GRHL2: variants seen among roughly 807,000 people sequenced by gnomAD.
GRHL2 encodes the protein grainyhead-like protein 2 homolog.
GRHL2 carries 21 observed loss-of-function variants against 83.8 expected under a neutral mutation model. The ratio of observed to expected loss-of-function variants is 0.25; its 90% CI spans 0.18 to 0.36. The LOEUF (loss-of-function observed/expected upper bound fraction) is 0.36, where lower values mean the gene tolerates loss of function less well. Among genes scored for constraint, GRHL2 ranks in the 10% least tolerant of loss-of-function variants. GRHL2 has a pLI of 1.00. For synonymous variants in GRHL2, 280 were observed against 278.9 expected, an observed-to-expected ratio of 1.00 and a Z score of -0.04; for missense variants, 623 against 781.8, an observed-to-expected ratio of 0.80 and a Z score of 2.42.
At position 101,505,256 on chromosome 8, in the gene GRHL2, A is replaced by T. The variant is rs537775720; in HGVS notation, c.20+12467A>T. ...CTCAAATACTATATCTAATATTTTT[A>T]AAAAATCATGATGTTCTTCGGATGT... On this transcript the variant is annotated intron_variant, in intron 1 of 15. Coordinates refer to ENST00000646743, the MANE Select transcript of GRHL2 (RefSeq NM_024915.4). Among the ~76,000 whole-genome samples, 33 of 152,252 alleles carry T rather than the reference A, an allele frequency of 2.2e-4. No homozygotes were observed. The East Asian group carries it at 2.7e-3, about 12-fold the overall frequency.
chr8:101,669,660 TAC>T lies in GRHL2; in HGVS notation c.*2959_*2960del, dbSNP rs950418605. On this transcript the variant is annotated 3_prime_UTR_variant, in exon 16 of 16. Coordinates refer to ENST00000646743, the MANE Select transcript of GRHL2 (RefSeq NM_024915.4). ...AGAGGGGGAATCTATAAACTATAAA[TAC>T]AGTTATTTTATTTTTTGTACATTTT... 6 of 151,408 alleles carry T rather than the reference TAC, an allele frequency of 4.0e-5. No homozygotes were observed. The highest frequency in any genetic ancestry group is 2.7e-4 in the Admixed American group (4 of 15,086). The allele number at this position is 151,408 out of a possible 1,614,324, so 9.4% of individuals were successfully genotyped here.
chr8:101,520,599 CTG>C (rs1810663135), intron 1 of GRHL2, among the ~76,000 whole-genome samples: 1 of 152,096 alleles, frequency 6.6e-6, no homozygotes, highest in Non-Finnish European at 1.5e-5. Context: ...AGATCACCCT[CTG>C]TATGGATTGA....
chr8:101,499,490 G>A (rs608337), intron 1 of GRHL2, among the ~76,000 whole-genome samples: 124,781 of 151,962 alleles, frequency 0.82, 52,662 homozygotes, highest in Non-Finnish European at 0.93. Flanking sequence ...CAGCTTCTGC[G>A]CATAGAGATA....
intron 4 of GRHL2, among the ~76,000 whole-genome samples, chr8:101,565,376 A>G (rs1467792584): frequency 1.3e-5 from 2 of 152,232 alleles, no homozygotes; most frequent in Non-Finnish European, 1.5e-5. Context: ...ACAGTTTTCT[A>G]TAAGTCAGTT....
chr8:101,558,732 C>A lies in GRHL2; in HGVS notation c.598C>A (p.His200Asn). 1 of 1,614,146 alleles carries A rather than the reference C, an allele frequency of 6.2e-7. No individual in the cohort carries two copies. The highest frequency in any genetic ancestry group is 8.5e-7 in the Non-Finnish European group (1 of 1,180,024). Reference protein sequence around the residue: ...TQYDVPSLATHSAYLKDDQRS... With the variant: ...TQYDVPSLATNSAYLKDDQRS... ...GTATGACGTGCCCTCGCTGGCCACCCACAGCGCCTATCTCAAAGACGACCA... is the reference window on the plus strand; with the variant it reads ...GTATGACGTGCCCTCGCTGGCCACCAACAGCGCCTATCTCAAAGACGACCA... The change falls in exon 4 of 16, where the codon CAC becomes AAC. Residue 200 changes from histidine (H) to asparagine (N), a missense_variant. By Grantham distance (68) the His-to-Asn change is moderately conservative. This residue lies in a region of GRHL2 where 239 missense variants were observed against 240.5 expected (regional missense o/e 0.99). Transcript: ENST00000646743.
intron 15 of GRHL2, among the ~76,000 whole-genome samples, chr8:101,666,163 C>CTTG (rs1474932177): frequency 6.6e-6 from 1 of 152,172 alleles, no homozygotes; most frequent in African/African-American, 2.4e-5. Flanking sequence ...GCAATTCTTG[C>CTTG]TTGTTTTCCT....
intron 7 of GRHL2, among the ~76,000 whole-genome samples, chr8:101,580,361 A>T (rs1812024489): frequency 1.3e-5 from 2 of 152,140 alleles, no homozygotes; most frequent in Non-Finnish European, 2.9e-5. Context: ...AATTATTGCT[A>T]ACTCTAATCA....
intron 1 of GRHL2, among the ~76,000 whole-genome samples, chr8:101,507,079 A>G (rs1169556868): frequency 6.6e-6 from 1 of 152,162 alleles, no homozygotes; most frequent in Non-Finnish European, 1.5e-5. Flanking sequence ...GTTGCACCCT[A>G]TGGGCTAACA....
intron 14 of GRHL2, among the ~76,000 whole-genome samples, chr8:101,658,650 T>C (rs1813849947): frequency 6.6e-6 from 1 of 152,208 alleles, no homozygotes; most frequent in Admixed American, 6.5e-5. Context: ...TTTGGGGAGC[T>C]GGGAATCAAA....
chr8:101,613,745 T>C (rs1267137131), intron 8 of GRHL2, among the ~76,000 whole-genome samples: 1 of 150,996 alleles, frequency 6.6e-6, no homozygotes, highest in Admixed American at 6.6e-5. Flanking sequence ...AGTTATATAT[T>C]GTTTGTGAAA....
chr8:101,617,184 G>A (rs1383950285), intron 8 of GRHL2, among the ~76,000 whole-genome samples: 4 of 152,110 alleles, frequency 2.6e-5, no homozygotes, highest in East Asian at 1.9e-4. Flanking sequence ...TTTGCTAGAT[G>A]TGTTGGCATA....
chr8:101,677,461 G>C, the GRHL2 span, among the ~76,000 whole-genome samples: 1 of 151,852 alleles, frequency 6.6e-6, no homozygotes, highest in South Asian at 2.1e-4. Context: ...ATAGTGCTTG[G>C]TTCTATGTTC....
chr8:101,566,593 AT>A (rs988395948), intron 4 of GRHL2, among the ~76,000 whole-genome samples: 1 of 147,972 alleles, frequency 6.8e-6, no homozygotes, highest in African/African-American at 2.5e-5. Context: ...TAATAATATT[AT>A]TATATATATT....
chr8:101,632,713 G>A (rs1813210724), intron 11 of GRHL2, among the ~76,000 whole-genome samples: 1 of 152,262 alleles, frequency 6.6e-6, no homozygotes, highest in Admixed American at 6.5e-5. Flanking sequence ...ATGGTGAGAA[G>A]TTGAACTGCA....
intron 11 of GRHL2, 137 bp downstream of exon 11, chr8:101,632,502 C>T (rs1460325085): frequency 9.5e-7 from 1 of 1,052,346 alleles, no homozygotes; most frequent in East Asian, 2.4e-5. Flanking sequence ...AATGTCATTC[C>T]CTATAGTAAA....
chr8:101,671,478 C>G (rs985359676), downstream of GRHL2, among the ~76,000 whole-genome samples: 14 of 147,848 alleles, frequency 9.5e-5, no homozygotes, highest in Non-Finnish European at 1.9e-4. Context: ...CACCTGCAAG[C>G]TGGGGGAGGG....
intron 13 of GRHL2, among the ~76,000 whole-genome samples, chr8:101,647,733 A>ATTTTCTTTTTCT (rs3029404): frequency 3.0e-4 from 45 of 150,574 alleles, no homozygotes; most frequent in African/African-American, 1.0e-3. Context: ...CCTGTTCATT[A>ATTTTCTTTTTCT]TTTTCTTTTT....
chr8:101,597,832 T>TA (rs951049919), intron 7 of GRHL2, among the ~76,000 whole-genome samples: 28 of 141,204 alleles, frequency 2.0e-4, no homozygotes, highest in African/African-American at 2.6e-4. Flanking sequence ...AAGTATAATT[T>TA]AAAAAAAAAA....
chr8:101,585,423 A>T (rs1181850658), intron 7 of GRHL2, among the ~76,000 whole-genome samples: 4 of 152,238 alleles, frequency 2.6e-5, no homozygotes, highest in African/African-American at 9.6e-5. Context: ...CCAAATTAAA[A>T]AAACAAAATC....
Sources: gnomAD v4.1 joint callset for allele counts (sites outside exome capture counted in the v4.1 genomes callset) on GRCh38, gnomAD v4.1.1 for gene constraint, gnomAD v4.1.1 regional missense constraint, MANE v1.5 for transcripts, NCBI Gene and HGNC (gene_info 2026-07-23, HGNC 2026-07-21) for gene names.